PARD3: variants seen among roughly 807,000 people sequenced by gnomAD.
The protein encoded by PARD3 is partitioning defective 3 homolog.
A neutral mutation model predicts 155.4 loss-of-function variants in PARD3; 75 were observed. The observed-to-expected ratio is 0.48, with a 90% confidence interval of 0.40 to 0.58. The LOEUF (loss-of-function observed/expected upper bound fraction) is 0.58. Ranked by LOEUF, PARD3 falls within the 20% of genes least tolerant of loss-of-function variation. The pLI is 0.00. For synonymous variants in PARD3, 576 were observed against 610.5 expected, an observed-to-expected ratio of 0.94 and a Z score of 0.83; for missense variants, 1,642 against 1,721.7, an observed-to-expected ratio of 0.95 and a Z score of 0.82.
At chr10:34,569,700 A>T (rs2086233638) in intron 2 of PARD3, among the ~76,000 whole-genome samples, 1 of 152,154 alleles carries the variant, frequency 6.6e-6, no homozygotes, top group African/African-American at 2.4e-5. Flanking sequence ...TACAGGCGTG[A>T]GCCACCGTGC....
intron 22 of PARD3, among the ~76,000 whole-genome samples, chr10:34,159,321 G>C (rs1307588699): frequency 6.6e-6 from 1 of 152,202 alleles, no homozygotes; most frequent in African/African-American, 2.4e-5. Context: ...GTTGGTGTAA[G>C]TAGGGAAAGC....
intron 20 of PARD3, among the ~76,000 whole-genome samples, chr10:34,311,770 T>C (rs1957713349): frequency 1.3e-5 from 2 of 152,048 alleles, no homozygotes; most frequent in Non-Finnish European, 2.9e-5. Context: ...CCATTTTTGG[T>C]CTAAACTCTG....
At chr10:34,492,324 C>T (rs1389583564) in intron 3 of PARD3, among the ~76,000 whole-genome samples, 3 of 152,116 alleles carry the variant, frequency 2.0e-5, no homozygotes, top group Non-Finnish European at 4.4e-5. Context: ...GGTCTTAATT[C>T]ACAGGGTAAA....
intron 23 of PARD3, among the ~76,000 whole-genome samples, chr10:34,121,186 T>C (rs1946981652): frequency 6.6e-6 from 1 of 152,256 alleles, no homozygotes; most frequent in South Asian, 2.1e-4. Context: ...CCGCATGGTA[T>C]AGATCAGGTT....
rs942024392 is a variant in PARD3, at chr10:34,395,856, A to G, written c.890+3474T>C. On this transcript the variant is annotated intron_variant, in intron 7 of 24. Coordinates refer to ENST00000374788, the MANE Select transcript of PARD3 (RefSeq NM_001184785.2). ...GAGACTCCGTCTCAAAAAAAAAAAA[A>G]AAAAAAAAAAAGAAAAACATCATCA... Among the ~76,000 whole-genome samples the G allele has an allele frequency of 2.6e-4, 8 of 30,314 alleles. 4 individuals carry two copies. The highest frequency in any genetic ancestry group is 4.2e-4 in the Non-Finnish European group (8 of 19,000). 19.9% of individuals were successfully genotyped at this position (30,314 alleles called of 152,430 possible).
Position 34,642,471 on chromosome 10 carries a change from T to A in PARD3, c.222+53847A>T, listed in dbSNP as rs74132081. Among the ~76,000 whole-genome samples, 1,211 of 152,160 alleles carry A rather than the reference T, an allele frequency of 8.0e-3. 15 individuals are homozygous for A. The highest frequency in any genetic ancestry group is 0.028 in the African/African-American group (1,160 of 41,526). On this transcript the variant is annotated intron_variant, in intron 2 of 24. Transcript: ENST00000374788. The stretch of plus-strand genomic sequence containing the variant: ...CTCTGCCTCACCAGCCTGCTCTTCC[T>A]GAGACCCTGAGTCACTCCACCTGGC...
rs12245630 is a variant in PARD3 at position 34,692,492 on chromosome 10, T to C, written c.222+3826A>G. On this transcript the variant is annotated intron_variant, in intron 2 of 24. Coordinates refer to ENST00000374788, the MANE Select transcript of PARD3 (RefSeq NM_001184785.2). ...CAACCTACAGAATGGGAGAAAATATTTGCAAATTATGCATCCAACAAAGGT... is the reference window on the plus strand; with the variant it reads ...CAACCTACAGAATGGGAGAAAATATCTGCAAATTATGCATCCAACAAAGGT... Among the ~76,000 whole-genome samples the C allele has an allele frequency of 8.9e-3, 1,362 of 152,270 alleles. 11 individuals carry two copies. Among genetic ancestry groups the C allele is most frequent in the African/African-American group, 0.031 (1,297 of 41,540 alleles).
At chr10:34,159,961 G>A (rs1234067214) in intron 22 of PARD3, among the ~76,000 whole-genome samples, 1 of 152,190 alleles carries the variant, frequency 6.6e-6, no homozygotes, top group Non-Finnish European at 1.5e-5. Flanking sequence ...TTTTCACCCA[G>A]GAACTTGTGT....
chr10:34,148,180 G>T (rs140573574), intron 22 of PARD3, among the ~76,000 whole-genome samples: 83 of 152,222 alleles, frequency 5.5e-4, no homozygotes, highest in African/African-American at 1.8e-3. Flanking sequence ...ATCAGCAATT[G>T]CCTAACCCAG....
In PARD3 at chr10:34,282,090, C is replaced by G. The variant is rs1242112654; in HGVS notation, c.3176+2045G>C. 2.4e-5 allele frequency among the ~76,000 whole-genome samples: 3 copies of G among 125,986 alleles called. 1 individual carries two copies. The highest frequency in any genetic ancestry group is 5.3e-5 in the Non-Finnish European group (3 of 56,982). 82.7% of individuals were successfully genotyped at this position (125,986 alleles called of 152,430 possible). Reference sequence around the variant, plus strand: ...GAACGACATATGGAAGAATGCTTGCCCTATTAAAATACAAGTGCCAAACCT... The same window carrying G: ...GAACGACATATGGAAGAATGCTTGCGCTATTAAAATACAAGTGCCAAACCT... On this transcript the variant is annotated intron_variant, in intron 21 of 24. Coordinates refer to ENST00000374788, the MANE Select transcript of PARD3 (RefSeq NM_001184785.2).
In PARD3 at chr10:34,790,360, A is replaced by C. The variant is rs373575886; in HGVS notation, c.120+24516T>G. ...ACGCTGATGCAGAAACAAGAGGAAAAAATATGCTAAAATTATTTCACTGGG... is the reference window on the plus strand; with the variant it reads ...ACGCTGATGCAGAAACAAGAGGAAACAATATGCTAAAATTATTTCACTGGG... On this transcript the variant is annotated intron_variant, in intron 1 of 24. Coordinates refer to ENST00000374788, the MANE Select transcript of PARD3 (RefSeq NM_001184785.2). Among the ~76,000 whole-genome samples the C allele has an allele frequency of 2.6e-5, 4 of 152,320 alleles. No individual in the cohort carries two copies. The East Asian group carries it at 5.8e-4, about 22-fold the overall frequency.
At chr10:34,250,919 A>G (rs1341686182) in intron 22 of PARD3, among the ~76,000 whole-genome samples, 2 of 152,162 alleles carry the variant, frequency 1.3e-5, no homozygotes, top group Non-Finnish European at 2.9e-5. Context: ...AGTGAGAATT[A>G]CCCAGGTTGC....
At chr10:34,327,062 A>AT (rs1047610161) in intron 19 of PARD3, among the ~76,000 whole-genome samples, 1 of 152,190 alleles carries the variant, frequency 6.6e-6, no homozygotes, top group Non-Finnish European at 1.5e-5. Flanking sequence ...GAATTAATGT[A>AT]TTTTTTAAAA....
rs560081726 is a variant in PARD3 at position 34,736,062 on chromosome 10, C to T, written c.121-39643G>A. ...TTTCTTTCTTTTGAGACAAGAGTCT[C>T]GCTCTGCCGCCCAGGCTGGAGTGCA... is the stretch of plus-strand genomic sequence containing the variant. On this transcript the variant is annotated intron_variant, in intron 1 of 24. Coordinates refer to ENST00000374788, the MANE Select transcript of PARD3 (RefSeq NM_001184785.2). 3.9e-5 allele frequency among the ~76,000 whole-genome samples: 6 copies of T among 152,130 alleles called. No homozygotes were observed. In the South Asian group the frequency reaches 1.0e-3, roughly 26 times the overall value.
intron 1 of PARD3, among the ~76,000 whole-genome samples, chr10:34,782,385 G>C (rs1283264737): frequency 1.3e-5 from 2 of 152,182 alleles, no homozygotes; most frequent in Non-Finnish European, 2.9e-5. Context: ...AACATGCTCA[G>C]AGGCAGCCAG....
At chr10:34,151,802 G>A (rs34949263) in intron 22 of PARD3, among the ~76,000 whole-genome samples, 2 of 152,090 alleles carry the variant, frequency 1.3e-5, no homozygotes, top group African/African-American at 4.8e-5. Flanking sequence ...CCATGATATG[G>A]CAACAATGGA....
At chr10:34,745,829 G>A (rs12572123) in intron 1 of PARD3, among the ~76,000 whole-genome samples, 33,215 of 151,912 alleles carry the variant, frequency 0.22, 4,737 homozygotes, top group East Asian at 0.54. Context: ...GGCCAGGCGC[G>A]GTGGCTCACG....
At chr10:34,557,682 T>G (rs1186780256) in intron 2 of PARD3, among the ~76,000 whole-genome samples, 5 of 151,982 alleles carry the variant, frequency 3.3e-5, no homozygotes, top group Admixed American at 2.6e-4. Flanking sequence ...GGTCTCAAAC[T>G]CCTGACTTCA....
intron 1 of PARD3, among the ~76,000 whole-genome samples, chr10:34,790,194 T>A (rs1841469381): frequency 6.6e-6 from 1 of 152,206 alleles, no homozygotes; most frequent in Non-Finnish European, 1.5e-5. Flanking sequence ...ACTTGTGGTG[T>A]TCTCAAAGGA....
Sources: gnomAD v4.1 joint callset for allele counts (sites outside exome capture counted in the v4.1 genomes callset) on GRCh38, gnomAD v4.1.1 for gene constraint, MANE v1.5 for transcripts, NCBI Gene and HGNC (gene_info 2026-07-23, HGNC 2026-07-21) for gene names.